The following MEMO1 variants were observed in gnomAD, a reference collection of about 807,000 sequenced individuals.
The protein encoded by MEMO1 is protein MEMO1.
A neutral mutation model predicts 45.2 loss-of-function variants in MEMO1; 6 were observed. The ratio of observed to expected loss-of-function variants is 0.13; its 90% confidence interval spans 0.07 to 0.26. The LOEUF (loss-of-function observed/expected upper bound fraction) is 0.26. MEMO1 is among the 10% of genes least tolerant of loss of function. The probability of loss-of-function intolerance (pLI) is 1.00; values close to 1 mark genes in which losing one functional copy is unlikely to be tolerated. For missense variants in MEMO1, 184 were observed against 370.5 expected (o/e 0.50, Z 4.13); for synonymous variants, 78 against 124.3 (o/e 0.63, Z 2.48).
intron 2 of MEMO1, among the ~76,000 whole-genome samples, chr2:31,954,696 T>C (rs988772880): frequency 1.3e-5 from 2 of 152,126 alleles, no homozygotes; most frequent in Non-Finnish European, 2.9e-5. Flanking sequence ...TAGCTGGGCA[T>C]AGTGGTGCAT....
In MEMO1 at chr2:32,008,174, CA is replaced by C. The variant is rs373564276; in HGVS notation, c.61+2012del. Among the ~76,000 whole-genome samples the C allele has an allele frequency of 9.7e-3, 1,473 of 152,304 alleles. 25 individuals are homozygous for C. Among genetic ancestry groups the C allele is most frequent in the South Asian group, 0.048 (230 of 4,830 alleles). On this transcript the variant is annotated intron_variant, in intron 2 of 9. Transcript: ENST00000404530. ...TCTTAGAATACCAAAGAAGTCTTTC[CA>C]AATCCAAGTGTAAGCTATGTCATAT...
At chr2:31,934,825 A>T (rs1477061656) in intron 3 of MEMO1, among the ~76,000 whole-genome samples, 1 of 152,154 alleles carries the variant, frequency 6.6e-6, no homozygotes, top group Non-Finnish European at 1.5e-5. Context: ...TGTTAATAGA[A>T]GCTCTCTTGA....
At chr2:32,002,186 TACAC>T (rs66840564) in intron 2 of MEMO1, among the ~76,000 whole-genome samples, 6 of 116,072 alleles carry the variant, frequency 5.2e-5, no homozygotes, top group Middle Eastern at 6.0e-3. Flanking sequence ...TATATATATA[TACAC>T]ACACACACAC....
At chr2:31,970,764 G>A (rs1669293272) in intron 2 of MEMO1, among the ~76,000 whole-genome samples, 1 of 152,206 alleles carries the variant, frequency 6.6e-6, no homozygotes, top group Non-Finnish European at 1.5e-5. Context: ...GGCACTTTGG[G>A]AGGCCGAGGT....
chr2:32,006,145 G>C (rs1037970367), intron 2 of MEMO1, among the ~76,000 whole-genome samples: 5 of 152,212 alleles, frequency 3.3e-5, no homozygotes, highest in African/African-American at 1.2e-4. Context: ...AAGATGGCAA[G>C]TTATGAGGGG....
intron 2 of MEMO1, among the ~76,000 whole-genome samples, chr2:31,947,598 T>A (rs116740581): frequency 0.043 from 6,599 of 152,330 alleles, 258 homozygotes; most frequent in Admixed American, 0.12. Flanking sequence ...GTTTGTGTGA[T>A]CTTGCCCTTA....
chr2:31,901,015 G>C (rs1306645624), intron 6 of MEMO1, among the ~76,000 whole-genome samples: 2 of 152,098 alleles, frequency 1.3e-5, no homozygotes, highest in Admixed American at 1.3e-4. Context: ...ATGTTCAATA[G>C]TTTATCAACC....
At chr2:31,984,144 C>A (rs534020838) in intron 2 of MEMO1, among the ~76,000 whole-genome samples, 1 of 152,204 alleles carries the variant, frequency 6.6e-6, no homozygotes. Context: ...ATCCAAAGAA[C>A]AGAATACGGC....
chr2:31,930,652 A>T (rs1003446845), intron 4 of MEMO1, among the ~76,000 whole-genome samples: 3 of 151,554 alleles, frequency 2.0e-5, no homozygotes, highest in Admixed American at 6.6e-5. Context: ...TAAAATATAT[A>T]TATATTTTTT....
intron 4 of MEMO1, among the ~76,000 whole-genome samples, chr2:31,922,915 AACAGTGCTGCAGTGAAC>A (rs1180016272): frequency 6.6e-6 from 1 of 152,060 alleles, no homozygotes; most frequent in Non-Finnish European, 1.5e-5. Context: ...TACTATTGTG[AACAGTGCTGCAGTGAAC>A]ACATGTGTAC....
At chr2:31,956,316 T>C (rs1001191011) in intron 2 of MEMO1, among the ~76,000 whole-genome samples, 2 of 151,452 alleles carry the variant, frequency 1.3e-5, no homozygotes, top group African/African-American at 4.9e-5. Context: ...CCACACAAGG[T>C]AGCACTTCTT....
intron 8 of MEMO1, among the ~76,000 whole-genome samples, chr2:31,870,171 C>G (rs573044339): frequency 2.6e-4 from 40 of 151,572 alleles, no homozygotes; most frequent in African/African-American, 9.0e-4. Context: ...ACTTTTAATC[C>G]CCAGTTTATT....
chr2:31,907,718 G>A (rs565420910), intron 6 of MEMO1, among the ~76,000 whole-genome samples: 2 of 151,938 alleles, frequency 1.3e-5, no homozygotes, highest in South Asian at 2.1e-4. Context: ...ACTTGAGCAC[G>A]GGAGGTGGAA....
At chr2:31,987,284 C>T (rs1396084464) in intron 2 of MEMO1, among the ~76,000 whole-genome samples, 1 of 152,172 alleles carries the variant, frequency 6.6e-6, no homozygotes, top group African/African-American at 2.4e-5. Context: ...CAGGTGTGAG[C>T]CACCTTGCCT....
At chr2:31,884,214 T>C (rs1248840895) in intron 7 of MEMO1, among the ~76,000 whole-genome samples, 1 of 152,080 alleles carries the variant, frequency 6.6e-6, no homozygotes, top group African/African-American at 2.4e-5. Flanking sequence ...AGAAAATAAA[T>C]TCTGTTTCCT....
chr2:31,946,787 C>T lies in MEMO1; in HGVS notation c.62-3404G>A, dbSNP rs552228079. Among the ~76,000 whole-genome samples, 19 of 152,098 alleles carry T rather than the reference C, an allele frequency of 1.2e-4. No homozygotes were observed. In the South Asian group the frequency reaches 2.3e-3, roughly 18 times the overall value. ...CTGAGGCACAGGAATCACTTGAGCC[C>T]GGGAGGCAGAGGTTGCAGAGATCAC... On this transcript the variant is annotated intron_variant, in intron 2 of 9. Coordinates refer to ENST00000404530, the MANE Select transcript of MEMO1 (RefSeq NM_001301833.4).
chr2:31,956,798 T>C (rs543761023), intron 2 of MEMO1, among the ~76,000 whole-genome samples: 17 of 152,320 alleles, frequency 1.1e-4, no homozygotes, highest in African/African-American at 2.6e-4. Flanking sequence ...ATATATATCA[T>C]ACATGATTAT....
intron 5 of MEMO1, among the ~76,000 whole-genome samples, chr2:31,919,857 T>G (rs919252941): frequency 1.0e-4 from 15 of 150,164 alleles, no homozygotes; most frequent in Non-Finnish European, 1.0e-4. Flanking sequence ...TGTGTCGGGG[T>G]GTGTGTGTGT....
At chr2:31,911,450 G>T (rs1401919704) in intron 6 of MEMO1, among the ~76,000 whole-genome samples, 19 of 152,308 alleles carry the variant, frequency 1.2e-4, no homozygotes, top group Admixed American at 1.1e-3. Context: ...TATAACAACA[G>T]AGACATAATA....
Sources: gnomAD v4.1 joint callset for allele counts (sites outside exome capture counted in the v4.1 genomes callset) on GRCh38, gnomAD v4.1.1 for gene constraint, MANE v1.5 for transcripts, NCBI Gene and HGNC (gene_info 2026-07-23, HGNC 2026-07-21) for gene names.